The following RBM4 variants were observed in gnomAD, a reference collection of about 807,000 sequenced individuals.
RBM4 encodes RNA-binding protein 4.
Under a neutral mutation model 29.5 loss-of-function variants are expected in RBM4, and 7 were observed. The observed-to-expected ratio is 0.24, with a 90% CI of 0.14 to 0.45. The LOEUF (loss-of-function observed/expected upper bound fraction) is 0.45, where lower values mean the gene tolerates loss of function less well. RBM4 is among the 20% of genes least tolerant of loss of function. The pLI is 1.00. For synonymous variants in RBM4, 220 were observed against 205.4 expected, an observed-to-expected ratio of 1.07 and a Z score of -0.61; for missense variants, 387 against 502.3, an observed-to-expected ratio of 0.77 and a Z score of 2.19.
chr11:66,661,461 G>C (rs1939081969), intron 2 of RBM4, among the ~76,000 whole-genome samples: 2 of 152,136 alleles, frequency 1.3e-5, no homozygotes, highest in East Asian at 1.9e-4. Flanking sequence ...AGCACCTTGA[G>C]TGCCCTGAGG....
intron 2 of RBM4, among the ~76,000 whole-genome samples, chr11:66,662,042 T>C (rs1401606233): frequency 1.3e-5 from 2 of 152,082 alleles, no homozygotes; most frequent in African/African-American, 4.8e-5. Flanking sequence ...AACAAAAAAA[T>C]ACATTTGTCC....
chr11:66,644,750 T>TG, intron 3 of RBM4: 3 of 925,734 alleles, frequency 3.2e-6, no homozygotes, highest in African/African-American at 1.8e-5. Flanking sequence ...GATGGTAAGT[T>TG]GGGGTAGAGA....
chr11:66,651,617 G>A (rs146935556), intron 2 of RBM4, among the ~76,000 whole-genome samples: 3,789 of 152,236 alleles, frequency 0.025, 59 homozygotes, highest in Middle Eastern at 0.092. Flanking sequence ...CAAAGTGCTG[G>A]GATTACAGGC....
rs948908470 is a variant in RBM4, at chr11:66,661,126, G to A, written c.413-4730G>A. Among the ~76,000 whole-genome samples, 8 of 152,148 alleles carry A rather than the reference G, an allele frequency of 5.3e-5. No individual in the cohort carries two copies. In the East Asian group the frequency reaches 1.3e-3, roughly 26 times the overall value. Reference sequence around the variant, plus strand: ...AGGCACTTCAGATTGAATTCATCTCGTCAGATTTTTCATTCTTCTCCTGCA... The same window carrying A: ...AGGCACTTCAGATTGAATTCATCTCATCAGATTTTTCATTCTTCTCCTGCA... On this transcript the variant is annotated intron_variant, in intron 2 of 2. Coordinates refer to the RBM4 transcript ENST00000396053.
At chr11:66,665,945 A>C in exon 3 of RBM4, 2 of 1,534,258 alleles carry the variant, frequency 1.3e-6, no homozygotes, top group South Asian at 1.2e-5. Context: ...TTTGGAGTCC[A>C]GGAAAAGCAG....
chr11:66,640,216 G>C, intron 2 of RBM4, 93 bp downstream of exon 2: 2 of 1,528,518 alleles, frequency 1.3e-6, no homozygotes, highest in Non-Finnish European at 1.8e-6. Context: ...AAAGATAACA[G>C]CTGTTGGCTG....
At chr11:66,647,788 A>G (rs1266122874), downstream of RBM4, among the ~76,000 whole-genome samples, 1 of 152,180 alleles carries the variant, frequency 6.6e-6, no homozygotes, top group Non-Finnish European at 1.5e-5. Context: ...ATTCTGAGGG[A>G]GCAGAAAATG....
At chr11:66,640,503 G>T in intron 2 of RBM4, 1 of 408,066 alleles carries the variant, frequency 2.5e-6, no homozygotes, top group Non-Finnish European at 4.3e-6. Flanking sequence ...TCAGAATTCT[G>T]CATTTTACGT....
chr11:66,643,904 A>G lies in RBM4; in HGVS notation c.867A>G (p.Ala289=), dbSNP rs780693360. ...GAGCTGCTGCCACAGCTGCTGCTGC[A>G]GCAGCAGCCGCTGCTGCTGTTACTG... ...TSGAAATAAA[A]AAAAAAVTAA... The change falls in exon 3 of 4, where the codon GCA becomes GCG. Residue 289 remains alanine, a synonymous_variant. Transcript: ENST00000310092. This position sits in a 1 kb window ranked among gnomAD's most constrained non-coding sequence, Gnocchi z 6.1. 7 of 1,608,862 alleles carry G rather than the reference A, an allele frequency of 4.4e-6. No individual in the cohort carries two copies. The highest frequency in any genetic ancestry group is 1.1e-5 in the South Asian group (1 of 90,856).
downstream of RBM4, among the ~76,000 whole-genome samples, chr11:66,650,169 A>G (rs777452509): frequency 1.3e-5 from 2 of 152,168 alleles, no homozygotes; most frequent in Non-Finnish European, 2.9e-5. Flanking sequence ...TTTTGTATTG[A>G]TGACATGTGC....
chr11:66,651,577 T>C (rs1190751095), intron 2 of RBM4, among the ~76,000 whole-genome samples: 1 of 152,156 alleles, frequency 6.6e-6, no homozygotes, highest in Non-Finnish European at 1.5e-5. Context: ...CTCGATCTCC[T>C]GACCTCTTGA....
chr11:66,638,751 G>T lies in RBM4; in HGVS notation c.-14G>T, dbSNP rs138088316. The T allele has an allele frequency of 6.5e-6, 1 of 152,986 alleles. No individual in the cohort carries two copies. The highest frequency in any genetic ancestry group is 2.4e-5 in the African/African-American group (1 of 41,454). The allele number at this position is 152,986 out of a possible 1,614,324, so 9.5% of individuals were successfully genotyped here. A position where few individuals can be genotyped will look rare whatever the true frequency, so the allele number is the denominator to read the frequency against. On this transcript the variant is annotated splice_region_variant and 5_prime_UTR_variant, in exon 1 of 4. Transcript: ENST00000310092. ...GAGGAGGCCCTGCTGGTTTCTGTGCGGGTGAGACTCCGAGCCTTTCCACTG... is the reference window on the plus strand; with the variant it reads ...GAGGAGGCCCTGCTGGTTTCTGTGCTGGTGAGACTCCGAGCCTTTCCACTG...
chr11:66,666,333 G>A (rs1939230136), exon 3 of RBM4: 2 of 1,017,558 alleles, frequency 2.0e-6, no homozygotes, highest in Non-Finnish European at 2.4e-6. Flanking sequence ...TGTGCCAATC[G>A]ACTTCAAAAG....
At chr11:66,667,081 CAT>C (rs1669368337) in exon 3 of RBM4, 2 of 152,020 alleles carry the variant, frequency 1.3e-5, no homozygotes, top group Admixed American at 1.3e-4. Context: ...TTATCTTCTA[CAT>C]ATATACCAAA....
At chr11:66,665,620 A>G in intron 2 of RBM4, 2 of 1,535,814 alleles carry the variant, frequency 1.3e-6, no homozygotes, top group Non-Finnish European at 1.7e-6. Context: ...CAATGCCTGG[A>G]GAGCAGCCTG....
intron 2 of RBM4, among the ~76,000 whole-genome samples, chr11:66,653,261 T>C (rs2135081652): frequency 6.6e-6 from 1 of 152,204 alleles, no homozygotes; most frequent in African/African-American, 2.4e-5. Context: ...CTGCCGCCCC[T>C]GAGACAGCCA....
At chr11:66,665,669 C>CG (rs1035364385) in intron 2 of RBM4, 41 of 1,514,566 alleles carry the variant, frequency 2.7e-5, no homozygotes, top group African/African-American at 1.1e-4. Flanking sequence ...TCCTGTATTC[C>CG]GGGGGGAAAA....
intron 2 of RBM4, among the ~76,000 whole-genome samples, chr11:66,658,606 T>C (rs972880474): frequency 6.6e-6 from 1 of 152,012 alleles, no homozygotes; most frequent in Non-Finnish European, 1.5e-5. Flanking sequence ...CAGAGACATA[T>C]ACAGTGCTGC....
chr11:66,649,815 G>C (rs1369140393), downstream of RBM4: 2 of 697,754 alleles, frequency 2.9e-6, no homozygotes, highest in Admixed American at 4.1e-5. Flanking sequence ...GAGCTCAAGG[G>C]ATCCTCCCGC....
Sources: gnomAD v4.1 joint callset for allele counts (sites outside exome capture counted in the v4.1 genomes callset) on GRCh38, gnomAD v4.1.1 for gene constraint, Gnocchi (gnomAD v3.1) non-coding constraint, MANE v1.5 for transcripts, NCBI Gene and HGNC (gene_info 2026-07-23, HGNC 2026-07-21) for gene names.